The following PHACTR1 variants were observed in gnomAD, a reference collection of about 807,000 sequenced individuals.
PHACTR1 encodes the protein RPEL repeat containing 1.
Under a neutral mutation model 69.2 loss-of-function variants are expected in PHACTR1, and 16 were observed. That is an observed-to-expected ratio of 0.23 (90% confidence interval 0.16 to 0.35). The LOEUF is 0.35. Ranked by LOEUF, PHACTR1 falls within the 10% of genes least tolerant of loss-of-function variation. PHACTR1 has a pLI of 1.00. For missense variants in PHACTR1, 510 were observed against 734.7 expected, an observed-to-expected ratio of 0.69 and a Z score of 3.54; for synonymous variants, 312 against 284.5, an observed-to-expected ratio of 1.10 and a Z score of -0.97.
intron 4 of PHACTR1, among the ~76,000 whole-genome samples, chr6:12,826,796 T>C (rs1776850302): frequency 6.6e-6 from 1 of 152,148 alleles, no homozygotes; most frequent in South Asian, 2.1e-4. Context: ...AATCTTGAAA[T>C]GAAGATCAAG....
At chr6:12,735,595 C>G (rs548353266) in intron 3 of PHACTR1, among the ~76,000 whole-genome samples, 2 of 152,322 alleles carry the variant, frequency 1.3e-5, no homozygotes, top group Admixed American at 1.3e-4. Context: ...TATGTAGGCT[C>G]TCAGGGAGAG....
At chr6:13,203,812 G>C (rs1046038610) in intron 7 of PHACTR1, among the ~76,000 whole-genome samples, 5 of 152,208 alleles carry the variant, frequency 3.3e-5, no homozygotes, top group Admixed American at 6.5e-5. Context: ...GGTGAGAAAA[G>C]TGGGCTGGAA....
At chr6:12,965,281 C>T (rs1321064644) in intron 4 of PHACTR1, among the ~76,000 whole-genome samples, 1 of 152,158 alleles carries the variant, frequency 6.6e-6, no homozygotes, top group East Asian at 1.9e-4. Context: ...TGCCTACTCA[C>T]TAGAATGTAT....
chr6:13,139,842 A>G (rs1822155677), intron 5 of PHACTR1, among the ~76,000 whole-genome samples: 1 of 152,232 alleles, frequency 6.6e-6, no homozygotes, highest in Admixed American at 6.5e-5. Flanking sequence ...CTGGAAAAAA[A>G]AAATGCAACC....
At chr6:12,974,477 G>A (rs1794628209) in intron 4 of PHACTR1, among the ~76,000 whole-genome samples, 1 of 152,160 alleles carries the variant, frequency 6.6e-6, no homozygotes, top group South Asian at 2.1e-4. Context: ...AACCAGATTT[G>A]TCTCACTCAC....
intron 4 of PHACTR1, among the ~76,000 whole-genome samples, chr6:12,943,416 T>C (rs1191060302): frequency 6.6e-6 from 1 of 152,158 alleles, no homozygotes; most frequent in Admixed American, 6.5e-5. Flanking sequence ...TTGATGAAAA[T>C]ATTATAGCAC....
intron 5 of PHACTR1, among the ~76,000 whole-genome samples, chr6:13,059,407 T>C (rs889577462): frequency 2.6e-5 from 4 of 152,056 alleles, no homozygotes; most frequent in Middle Eastern, 6.8e-3. Context: ...AACAATCCAG[T>C]ATTGTGCACT....
chr6:12,816,826 C>A (rs1363962123), intron 4 of PHACTR1, among the ~76,000 whole-genome samples: 1 of 152,098 alleles, frequency 6.6e-6, no homozygotes, highest in African/African-American at 2.4e-5. Context: ...ATTATCAGGA[C>A]AATATTTAGA....
chr6:13,079,896 T>C (rs1811105458), intron 5 of PHACTR1, among the ~76,000 whole-genome samples: 2 of 152,164 alleles, frequency 1.3e-5, no homozygotes, highest in South Asian at 4.1e-4. Flanking sequence ...TGTCCTAGGC[T>C]AGACCACCTC....
At chr6:13,223,433 CAGGAGTGGCCT>C (rs1769008164) in intron 8 of PHACTR1, among the ~76,000 whole-genome samples, 1 of 152,200 alleles carries the variant, frequency 6.6e-6, no homozygotes, top group Non-Finnish European at 1.5e-5. Flanking sequence ...CTCAGTGCCC[CAGGAGTGGCCT>C]GGTCATGGCA....
At chr6:13,021,616 G>A (rs945221192) in intron 4 of PHACTR1, among the ~76,000 whole-genome samples, 1 of 152,100 alleles carries the variant, frequency 6.6e-6, no homozygotes, top group African/African-American at 2.4e-5. Flanking sequence ...TTCCAAACTG[G>A]CTGCCCCATT....
At chr6:12,924,048 C>T (rs1009593901) in intron 4 of PHACTR1, among the ~76,000 whole-genome samples, 1 of 152,152 alleles carries the variant, frequency 6.6e-6, no homozygotes, top group African/African-American at 2.4e-5. Flanking sequence ...TCTTGAAAGA[C>T]ATGATCTCCA....
chr6:13,217,244 C>A (rs1469795080), intron 8 of PHACTR1, among the ~76,000 whole-genome samples: 2 of 152,178 alleles, frequency 1.3e-5, no homozygotes, highest in Non-Finnish European at 2.9e-5. Context: ...TCGCAGCTGC[C>A]TGGGAGGTGG....
At chr6:13,191,381 G>A (rs1485613568) in intron 7 of PHACTR1, among the ~76,000 whole-genome samples, 1 of 152,156 alleles carries the variant, frequency 6.6e-6, no homozygotes, top group African/African-American at 2.4e-5. Context: ...AGGAGGCACG[G>A]CTCACCACAC....
intron 4 of PHACTR1, among the ~76,000 whole-genome samples, chr6:13,026,947 A>C (rs79145234): frequency 0.01 from 1,593 of 152,288 alleles, 9 homozygotes; most frequent in Middle Eastern, 0.034. Flanking sequence ...AAAAAATAAT[A>C]ACAAGTCTGC....
At chr6:13,240,723 G>A (rs558179180) in intron 10 of PHACTR1, among the ~76,000 whole-genome samples, 4 of 152,168 alleles carry the variant, frequency 2.6e-5, no homozygotes, top group South Asian at 2.1e-4. Flanking sequence ...CTGGGATTAC[G>A]GGCATGAACC....
intron 6 of PHACTR1, among the ~76,000 whole-genome samples, chr6:13,171,551 C>T (rs1376879353): frequency 3.9e-5 from 6 of 152,214 alleles, no homozygotes; most frequent in Non-Finnish European, 8.8e-5. Context: ...TCATCTGCAT[C>T]GGCCAATGCA....
chr6:12,921,027 T>TC (rs1292337629), intron 4 of PHACTR1, among the ~76,000 whole-genome samples: 1 of 152,194 alleles, frequency 6.6e-6, no homozygotes, highest in Non-Finnish European at 1.5e-5. Context: ...AAGGCACTTG[T>TC]CCCCAGTTCA....
At chr6:12,883,329 C>G (rs1160609766) in intron 4 of PHACTR1, among the ~76,000 whole-genome samples, 1 of 152,084 alleles carries the variant, frequency 6.6e-6, no homozygotes, top group East Asian at 1.9e-4. Context: ...TTCTCCCTGC[C>G]TCAGCTTCCC....
Sources: allele counts gnomAD v4.1 joint callset (sites outside exome capture counted in the v4.1 genomes callset), GRCh38; gene constraint gnomAD v4.1.1; transcripts MANE v1.5; gene names NCBI Gene and HGNC (gene_info 2026-07-23, HGNC 2026-07-21).